FBRSL1: variants seen among roughly 807,000 people sequenced by gnomAD.
FBRSL1 encodes fibrosin like 1.
In FBRSL1, 51 loss-of-function variants were observed where a neutral mutation model predicts 89.6. The ratio of observed to expected loss-of-function variants is 0.57; its 90% CI spans 0.45 to 0.72. FBRSL1 has a LOEUF of 0.72. Among genes scored for constraint, FBRSL1 ranks in the 30% least tolerant of loss-of-function variants. The probability of loss-of-function intolerance (pLI) is 0.00; values close to 1 mark genes in which losing one functional copy is unlikely to be tolerated. For missense variants in FBRSL1, 1,618 were observed against 1,451.8 expected (o/e 1.11, Z -1.86); for synonymous variants, 779 against 681.1 (o/e 1.14, Z -2.24).
intron 5 of FBRSL1, among the ~76,000 whole-genome samples, chr12:132,564,576 A>G (rs2039432921): frequency 8.2e-6 from 1 of 121,462 alleles, no homozygotes. Context: ...GCTCACTGCA[A>G]GCTCCGCCTC....
In FBRSL1 at chr12:132,574,520, G is replaced by A. The variant is rs1306820334; in HGVS notation, c.1657G>A (p.Val553Met). 5 of 1,550,280 alleles carry A rather than the reference G, an allele frequency of 3.2e-6. No homozygotes were observed. Among genetic ancestry groups the A allele is most frequent in the Non-Finnish European group, 2.6e-6 (3 of 1,146,836 alleles). ...KKPGRWCAVH[V>M]QIAWQIYRHQ... ...GCCGGGGAGGTGGTGTGCCGTGCAC[G>A]TGCAGATCGCCTGGCAGATCTACCG... Residue 553 changes from valine (V) to methionine (M), a missense_variant, in exon 14 of 19, where the codon GTG becomes ATG. Physicochemically the swap from Val to Met is conservative, Grantham distance 21. Coordinates refer to ENST00000680143, the MANE Select transcript of FBRSL1 (RefSeq NM_001367871.1).
intron 15 of FBRSL1, chr12:132,580,782 CT>C (rs1338826046): frequency 1.0e-6 from 1 of 985,340 alleles, no homozygotes; most frequent in African/African-American, 1.7e-5. Context: ...TGACGCCCTG[CT>C]GGTCTTTACC....
At chr12:132,575,660 G>C (rs1011966357) in intron 14 of FBRSL1, among the ~76,000 whole-genome samples, 4 of 152,270 alleles carry the variant, frequency 2.6e-5, no homozygotes, top group African/African-American at 9.6e-5. Context: ...TTTGTCCTTG[G>C]AACTCGGGGC....
At chr12:132,533,047 C>G (rs968733064) in intron 4 of FBRSL1, among the ~76,000 whole-genome samples, 4 of 152,326 alleles carry the variant, frequency 2.6e-5, no homozygotes, top group Admixed American at 2.6e-4. Flanking sequence ...GCAATAAAAA[C>G]CCATCAGCCT....
chr12:132,575,560 G>T (rs572005842), intron 14 of FBRSL1, among the ~76,000 whole-genome samples: 1 of 152,258 alleles, frequency 6.6e-6, no homozygotes, highest in Non-Finnish European at 1.5e-5. Flanking sequence ...TGCATGTCTG[G>T]GTGGAACTTC....
chr12:132,521,280 C>T (rs1184973739), intron 2 of FBRSL1, among the ~76,000 whole-genome samples: 1 of 152,194 alleles, frequency 6.6e-6, no homozygotes, highest in Non-Finnish European at 1.5e-5. Flanking sequence ...GCGCTGTGTC[C>T]ACACTCATTT....
rs936953278 is a variant in FBRSL1, at chr12:132,571,105, G to T, written c.1251G>T (p.Met417Ile). Residue 417 changes from methionine (M) to isoleucine (I), a missense_variant, in exon 9 of 19, where the codon ATG becomes ATT. Physicochemically the swap from Met to Ile is conservative, Grantham distance 10. Coordinates refer to ENST00000680143, the MANE Select transcript of FBRSL1 (RefSeq NM_001367871.1). ...CGGTCTCATTCAGCCAGCCAATCATGTATTGCCAGCCTCATTCGGGAATTC... is the reference window on the plus strand; with the variant it reads ...CGGTCTCATTCAGCCAGCCAATCATTTATTGCCAGCCTCATTCGGGAATTC... ...SLAVSFSQPI[M>I]YCQPHSGILI... The T allele has an allele frequency of 3.6e-5, 49 of 1,368,414 alleles. No homozygotes were observed. Among genetic ancestry groups the T allele is most frequent in the Non-Finnish European group, 4.5e-5 (48 of 1,062,802 alleles). 84.8% of individuals were successfully genotyped at this position (1,368,414 alleles called of 1,614,324 possible).
intron 15 of FBRSL1, among the ~76,000 whole-genome samples, chr12:132,579,152 C>G (rs2040581095): frequency 6.6e-6 from 1 of 152,214 alleles, no homozygotes; most frequent in African/African-American, 2.4e-5. Context: ...GTGCTGCCTC[C>G]TCCATCTCCT....
chr12:132,557,551 TC>T (rs1420986217), intron 5 of FBRSL1, among the ~76,000 whole-genome samples: 1 of 152,200 alleles, frequency 6.6e-6, no homozygotes, highest in Non-Finnish European at 1.5e-5. Flanking sequence ...CTCTGCCTGT[TC>T]CAGGATGGTC....
intron 4 of FBRSL1, among the ~76,000 whole-genome samples, chr12:132,539,716 A>C (rs1210311739): frequency 3.2e-5 from 1 of 30,974 alleles, no homozygotes. Context: ...CACCCAGTCC[A>C]GTCTCCCAGC....
rs1159674737 is a variant in FBRSL1 at position 132,527,813 on chromosome 12, G to A, written c.580-140G>A. 9 of 795,556 alleles carry A rather than the reference G, an allele frequency of 1.1e-5. No homozygotes were observed. In the South Asian group the frequency reaches 1.2e-4, roughly 10 times the overall value. 49.3% of individuals were successfully genotyped at this position (795,556 alleles called of 1,614,324 possible). On this transcript the variant is annotated intron_variant, in intron 3 of 18. Transcript: ENST00000680143. ...CAGGGTTGAGGGCTTCGGGTCTGTG[G>A]ATCTGCGGGGCAGGGCTGTGAGCTG...
At chr12:132,559,123 C>T (rs1225160395) in intron 5 of FBRSL1, among the ~76,000 whole-genome samples, 1 of 152,258 alleles carries the variant, frequency 6.6e-6, no homozygotes, top group Non-Finnish European at 1.5e-5. Context: ...GATCCGAGTT[C>T]TAGCGCCCCA....
At chr12:132,575,627 C>A (rs1035166001) in intron 14 of FBRSL1, among the ~76,000 whole-genome samples, 21 of 152,296 alleles carry the variant, frequency 1.4e-4, no homozygotes, top group African/African-American at 5.1e-4. Context: ...ACGGCAGAGT[C>A]GGGAGACCTC....
intron 6 of FBRSL1, among the ~76,000 whole-genome samples, chr12:132,569,460 C>T (rs1401282755): frequency 1.3e-5 from 2 of 152,258 alleles, no homozygotes; most frequent in African/African-American, 2.4e-5. Flanking sequence ...TGGGGCAGAC[C>T]CATGCCCTGG....
Position 132,583,826 on chromosome 12 carries a change from C to T in FBRSL1, c.*48C>T, listed in dbSNP as rs971659868. The T allele has an allele frequency of 9.2e-7, 1 of 1,089,272 alleles. No individual in the cohort carries two copies. Among genetic ancestry groups the T allele is most frequent in the Non-Finnish European group, 1.1e-6 (1 of 871,698 alleles). The allele number at this position is 1,089,272 out of a possible 1,614,324, so 67.5% of individuals were successfully genotyped here. On this transcript the variant is annotated 3_prime_UTR_variant, in exon 19 of 19. Transcript: ENST00000680143. ...CCGAGCGGAGCGCACCGCTGTCCGT[C>T]TCTCCATCAGTTCCTAGAACTCAAG...
At chr12:132,520,934 G>A (rs2035298711) in intron 2 of FBRSL1, among the ~76,000 whole-genome samples, 1 of 152,350 alleles carries the variant, frequency 6.6e-6, no homozygotes, top group South Asian at 2.1e-4. Context: ...GACCAGCTGG[G>A]AGCTGGTAGG....
At chr12:132,504,359 C>T (rs770935494) in intron 1 of FBRSL1, among the ~76,000 whole-genome samples, 2 of 152,212 alleles carry the variant, frequency 1.3e-5, no homozygotes, top group African/African-American at 4.8e-5. Flanking sequence ...TTAAGAGAGC[C>T]AAAAGCAGTC....
At chr12:132,563,961 C>T (rs1271284815) in intron 5 of FBRSL1, among the ~76,000 whole-genome samples, 1 of 150,702 alleles carries the variant, frequency 6.6e-6, no homozygotes, top group Non-Finnish European at 1.5e-5. Flanking sequence ...ACACCCACCC[C>T]CGTCGCCCCG....
chr12:132,496,887 T>C (rs1440894585), intron 1 of FBRSL1, among the ~76,000 whole-genome samples: 1 of 135,300 alleles, frequency 7.4e-6, no homozygotes, highest in African/African-American at 2.8e-5. Flanking sequence ...CAGCATCGGG[T>C]AGGGGTGGCC....
Sources: gnomAD v4.1 joint callset for allele counts (sites outside exome capture counted in the v4.1 genomes callset) on GRCh38, gnomAD v4.1.1 for gene constraint, MANE v1.5 for transcripts, NCBI Gene and HGNC (gene_info 2026-07-23, HGNC 2026-07-21) for gene names.